ZPBP: variants seen among roughly 807,000 people sequenced by gnomAD.
The protein encoded by ZPBP is zona pellucida binding protein.
Under a neutral mutation model 44.8 loss-of-function variants are expected in ZPBP, and 26 were observed. That is an observed-to-expected ratio of 0.58 (90% CI 0.43 to 0.81). The LOEUF (loss-of-function observed/expected upper bound fraction) is 0.81, where lower values mean the gene tolerates loss of function less well. ZPBP is among the 30% of genes least tolerant of loss of function. The pLI is 0.00. For missense variants in ZPBP, 409 were observed against 434.0 expected (o/e 0.94, Z 0.51); for synonymous variants, 174 against 153.2 (o/e 1.14, Z -1.00).
At chr7:49,965,932 C>T (rs529581649) in intron 7 of ZPBP, among the ~76,000 whole-genome samples, 1 of 151,936 alleles carries the variant, frequency 6.6e-6, no homozygotes, top group Non-Finnish European at 1.5e-5. Context: ...ACAACTGAGA[C>T]ATACCATGAT....
intron 2 of ZPBP, among the ~76,000 whole-genome samples, chr7:49,889,560 C>T (rs376772869): frequency 3.3e-5 from 5 of 152,150 alleles, no homozygotes; most frequent in Middle Eastern, 3.4e-3. Context: ...TGGTCAAAGG[C>T]GAGGATGAAA....
At chr7:50,089,821 C>T (rs1802860285) in intron 1 of ZPBP, 112 bp from the exon 2 acceptor site, 1 of 812,378 alleles carries the variant, frequency 1.2e-6, no homozygotes, top group Non-Finnish European at 2.1e-6. Flanking sequence ...ATTCAATCTC[C>T]TCTGACAGTT....
chr7:50,059,622 C>T (rs1801145713), intron 3 of ZPBP, among the ~76,000 whole-genome samples: 1 of 152,060 alleles, frequency 6.6e-6, no homozygotes, highest in Admixed American at 6.6e-5. Flanking sequence ...AAAGGGTTCT[C>T]ATGAAGTTTA....
intron 4 of ZPBP, among the ~76,000 whole-genome samples, chr7:50,053,190 A>G (rs748333639): frequency 4.6e-5 from 7 of 152,208 alleles, no homozygotes; most frequent in Non-Finnish European, 8.8e-5. Flanking sequence ...TGGGTAATGA[A>G]TACATGTGAT....
At chr7:49,918,172 C>T (rs777705105) in intron 1 of ZPBP, 1 of 152,132 alleles carries the variant, frequency 6.6e-6, no homozygotes, top group Non-Finnish European at 1.5e-5. Flanking sequence ...AATGCTATCC[C>T]CTTTGTTGCA....
intron 1 of ZPBP, among the ~76,000 whole-genome samples, chr7:49,923,818 G>A (rs2128748061): frequency 6.6e-6 from 1 of 152,150 alleles, no homozygotes; most frequent in South Asian, 2.1e-4. Context: ...TATTTAAACT[G>A]CATTTTTAAA....
chr7:49,869,824 T>A (rs909622446), intron 2 of ZPBP, among the ~76,000 whole-genome samples: 8 of 152,134 alleles, frequency 5.3e-5, no homozygotes, highest in African/African-American at 1.9e-4. Context: ...ATATGTTTTT[T>A]CATAGTAATC....
intron 6 of ZPBP, among the ~76,000 whole-genome samples, chr7:49,996,888 A>G (rs73334180): frequency 0.014 from 2,198 of 152,250 alleles, 63 homozygotes; most frequent in African/African-American, 0.05. Flanking sequence ...TACTATGCCC[A>G]CCTTGCCTTT....
chr7:50,078,992 AAGAG>A, intron 3 of ZPBP, among the ~76,000 whole-genome samples: 1 of 151,166 alleles, frequency 6.6e-6, no homozygotes, highest in South Asian at 2.1e-4. Context: ...AACAAAAAAA[AAGAG>A]AGAGAAGACA....
At chr7:49,951,574 G>A (rs1194911422) in intron 7 of ZPBP, among the ~76,000 whole-genome samples, 2 of 149,688 alleles carry the variant, frequency 1.3e-5, no homozygotes, top group Non-Finnish European at 3.0e-5. Flanking sequence ...AAAATAGCAA[G>A]TGTTGGCCAG....
chr7:50,061,967 T>G (rs1801264300), intron 3 of ZPBP, among the ~76,000 whole-genome samples: 1 of 152,148 alleles, frequency 6.6e-6, no homozygotes, highest in Non-Finnish European at 1.5e-5. Flanking sequence ...ATAAACAACT[T>G]CAGCAAACTT....
At chr7:49,937,694 C>A (rs908161717) in intron 7 of ZPBP, 72 bp from the exon 8 acceptor site, 10 of 1,214,886 alleles carry the variant, frequency 8.2e-6, no homozygotes, top group African/African-American at 3.0e-5. Flanking sequence ...AATCTCAATT[C>A]TTTTAAGTGT....
At chr7:49,864,485 C>T (rs1417303406) in intron 2 of ZPBP, among the ~76,000 whole-genome samples, 3 of 152,108 alleles carry the variant, frequency 2.0e-5, no homozygotes, top group South Asian at 4.1e-4. Context: ...TTAGAATGCC[C>T]GAATATCCCA....
chr7:49,980,713 T>A (rs1363903380), intron 7 of ZPBP, among the ~76,000 whole-genome samples: 1 of 152,016 alleles, frequency 6.6e-6, no homozygotes, highest in Admixed American at 6.6e-5. Context: ...AGAATATTAA[T>A]CTATTCATGA....
intron 2 of ZPBP, 117 bp from the exon 3 acceptor site, chr7:50,082,016 T>G: frequency 6.8e-6 from 8 of 1,172,052 alleles, no homozygotes; most frequent in Non-Finnish European, 9.6e-6. Flanking sequence ...GAATTATTGC[T>G]CCTATTACTT....
At chr7:49,917,938 C>A (rs1332242680) in intron 1 of ZPBP, 1 of 151,920 alleles carries the variant, frequency 6.6e-6, no homozygotes, top group African/African-American at 2.4e-5. Context: ...AGGGTTTATT[C>A]TTTTCCTAAG....
In ZPBP at chr7:49,946,627, C is replaced by G. The variant is rs555184505; in HGVS notation, c.962-9005G>C. Among the ~76,000 whole-genome samples the G allele has an allele frequency of 6.2e-4, 94 of 152,204 alleles. 2 individuals are homozygous for G. In the South Asian group the frequency reaches 0.019, roughly 30 times the overall value. On this transcript the variant is annotated intron_variant, in intron 7 of 7. Coordinates refer to ENST00000046087, the MANE Select transcript of ZPBP (RefSeq NM_007009.3). ...TCTTTTGCTGCTTTTAGGATCCATTCTTTATCCTTGACCTTTGGGAGGTTG... is the reference window on the plus strand; with the variant it reads ...TCTTTTGCTGCTTTTAGGATCCATTGTTTATCCTTGACCTTTGGGAGGTTG...
intron 6 of ZPBP, among the ~76,000 whole-genome samples, chr7:49,995,969 G>A (rs184406871): frequency 6.6e-6 from 1 of 152,218 alleles, no homozygotes; most frequent in Non-Finnish European, 1.5e-5. Flanking sequence ...AAAGTAGGGT[G>A]ACTATAGTTA....
intron 2 of ZPBP, among the ~76,000 whole-genome samples, chr7:50,082,475 G>A (rs965878443): frequency 4.0e-5 from 6 of 151,638 alleles, no homozygotes; most frequent in Admixed American, 2.0e-4. Flanking sequence ...TATCCTTTAG[G>A]AGATACAAAA....
Sources: allele counts gnomAD v4.1 joint callset (sites outside exome capture counted in the v4.1 genomes callset), GRCh38; gene constraint gnomAD v4.1.1; transcripts MANE v1.5; gene names NCBI Gene and HGNC (gene_info 2026-07-23, HGNC 2026-07-21).